FABP6: variants seen among roughly 807,000 people sequenced by gnomAD.
FABP6 encodes fatty acid binding protein 6, also known as gastrotropin.
FABP6 carries 13 observed loss-of-function variants against 14.9 expected under a neutral mutation model. The ratio of observed to expected loss-of-function variants is 0.87; its 90% confidence interval spans 0.57 to 1.39. The LOEUF (loss-of-function observed/expected upper bound fraction) is 1.39. FABP6 is among the 40% of genes most tolerant of loss of function. The pLI is 0.00. For missense variants in FABP6, 161 were observed against 167.2 expected, an observed-to-expected ratio of 0.96 and a Z score of 0.20; for synonymous variants, 75 against 63.6, an observed-to-expected ratio of 1.18 and a Z score of -0.85.
chr5:160,231,930 T>C, intron 1 of FABP6, 168 bp from the exon 2 acceptor site: 2 of 664,654 alleles, frequency 3.0e-6, no homozygotes, highest in Non-Finnish European at 5.0e-6. Flanking sequence ...CCCAGCCACA[T>C]GGCTCACAGC....
At chr5:160,221,993 T>C (rs1364312961) in intron 3 of FABP6, among the ~76,000 whole-genome samples, 1 of 152,134 alleles carries the variant, frequency 6.6e-6, no homozygotes, top group Non-Finnish European at 1.5e-5. Flanking sequence ...TTTTAAACAA[T>C]GAGTATGCAT....
At chr5:160,191,397 G>A (rs1371696867) in intron 1 of FABP6, among the ~76,000 whole-genome samples, 1 of 151,872 alleles carries the variant, frequency 6.6e-6, no homozygotes, top group Non-Finnish European at 1.5e-5. Flanking sequence ...AAACCGGGAG[G>A]CAGAGGCTGC....
intron 3 of FABP6, among the ~76,000 whole-genome samples, chr5:160,222,075 C>A (rs972800949): frequency 7.0e-6 from 1 of 143,190 alleles, no homozygotes; most frequent in South Asian, 2.2e-4. Context: ...GTGTTTTGTT[C>A]TTTCCAAATT....
chr5:160,234,858 T>C lies in FABP6; in HGVS notation c.282T>C (p.Asn94=). 1 of 1,610,990 alleles carries C rather than the reference T, an allele frequency of 6.2e-7. No individual in the cohort carries two copies. ...VQMEGGKLVV[N]FPNYHQTSEI... is the part of the protein sequence containing the mutation. ...TGGAGGGCGGGAAGCTGGTGGTGAATTTCCCCAACTATCACCAGACCTCAG... is the reference window on the plus strand; with the variant it reads ...TGGAGGGCGGGAAGCTGGTGGTGAACTTCCCCAACTATCACCAGACCTCAG... The change falls in exon 3 of 4, where the codon AAT becomes AAC. Residue 94 remains asparagine, a synonymous_variant. Coordinates refer to ENST00000402432, the MANE Select transcript of FABP6 (RefSeq NM_001445.3).
intron 2 of FABP6, among the ~76,000 whole-genome samples, chr5:160,232,988 GTTT>G (rs56809300): frequency 7.0e-6 from 1 of 143,766 alleles, no homozygotes. Context: ...GAGCATAAGT[GTTT>G]TTTTTTTTTT....
chr5:160,212,160 C>A (rs916686215), intron 2 of FABP6, among the ~76,000 whole-genome samples: 1 of 151,108 alleles, frequency 6.6e-6, no homozygotes, highest in African/African-American at 2.4e-5. Flanking sequence ...TGGCTAATTT[C>A]TTTTTCTTTT....
At chr5:160,204,471 T>C (rs1469500203) in intron 2 of FABP6, among the ~76,000 whole-genome samples, 1 of 152,134 alleles carries the variant, frequency 6.6e-6, no homozygotes, top group Non-Finnish European at 1.5e-5. Flanking sequence ...CCTCATCCCC[T>C]GCATCCTATT....
chr5:160,201,249 T>C (rs7447469), intron 2 of FABP6, among the ~76,000 whole-genome samples: 5,877 of 152,002 alleles, frequency 0.039, 199 homozygotes, highest in Admixed American at 0.11. Context: ...TCCCAGCTAC[T>C]TGGGAGGCTG....
At chr5:160,211,863 A>G (rs1759897872) in intron 2 of FABP6, among the ~76,000 whole-genome samples, 1 of 152,180 alleles carries the variant, frequency 6.6e-6, no homozygotes, top group Admixed American at 6.5e-5. Flanking sequence ...GCACAGTTAT[A>G]GGCCCTGCCC....
At position 160,238,672 on chromosome 5, in the gene FABP6, G is replaced by A. The variant is rs746035518; in HGVS notation, c.*13G>A. 1.9e-5 allele frequency: 31 copies of A among 1,613,180 alleles called. No homozygotes were observed. The highest frequency in any genetic ancestry group is 3.3e-5 in the Admixed American group (2 of 59,954). ...GAGACTGGCCTAAGCAGCCAGGCCC[G>A]GCCCAGGGAGCTACAAACCCACCAA... On this transcript the variant is annotated 3_prime_UTR_variant, in exon 4 of 4. Transcript: ENST00000402432.
chr5:160,219,124 G>A (rs1017885448), intron 3 of FABP6, among the ~76,000 whole-genome samples: 5 of 152,132 alleles, frequency 3.3e-5, no homozygotes, highest in African/African-American at 9.7e-5. Context: ...AAGAGGAAGG[G>A]GAGTTTAATC....
At chr5:160,213,654 C>A (rs1466909865) in intron 2 of FABP6, 1 of 1,168,408 alleles carries the variant, frequency 8.6e-7, no homozygotes, top group Non-Finnish European at 1.3e-6. Flanking sequence ...AGGAGCTCTG[C>A]CTCCCTGCAC....
intron 2 of FABP6, among the ~76,000 whole-genome samples, chr5:160,201,791 T>A (rs1326095293): frequency 6.6e-6 from 1 of 152,078 alleles, no homozygotes; most frequent in Non-Finnish European, 1.5e-5. Flanking sequence ...TGCGACAGGG[T>A]CTTACTCTAT....
intron 2 of FABP6, among the ~76,000 whole-genome samples, chr5:160,234,267 A>T (rs566112996): frequency 1.2e-3 from 177 of 152,222 alleles, no homozygotes; most frequent in African/African-American, 4.2e-3. Context: ...AGCATAAGCA[A>T]CAGTCTATAA....
At chr5:160,227,856 C>G (rs73817347), upstream of FABP6, among the ~76,000 whole-genome samples, 18,348 of 98,986 alleles carry the variant, frequency 0.19, 1,485 homozygotes, top group African/African-American at 0.31. Context: ...GTGTGTCTGT[C>G]TGTCTGTCTG....
At chr5:160,191,990 G>GA (rs775293331) in intron 1 of FABP6, among the ~76,000 whole-genome samples, 15 of 150,390 alleles carry the variant, frequency 1.0e-4, no homozygotes, top group Admixed American at 1.3e-4. Flanking sequence ...AGAAAAAAAA[G>GA]AAAAAAAAAG....
chr5:160,235,521 A>G (rs1760490017), intron 3 of FABP6, among the ~76,000 whole-genome samples: 1 of 152,140 alleles, frequency 6.6e-6, no homozygotes, highest in Non-Finnish European at 1.5e-5. Flanking sequence ...CCTTCCTCTC[A>G]CTTCTGTTGC....
chr5:160,206,835 G>C (rs189153227), intron 2 of FABP6, among the ~76,000 whole-genome samples: 17 of 152,252 alleles, frequency 1.1e-4, no homozygotes, highest in Admixed American at 1.1e-3. Context: ...GGGTGGCTTG[G>C]ACATGCACGG....
In FABP6 at chr5:160,229,569, C is replaced by T. The variant is rs753763188; in HGVS notation, c.12C>T (p.Thr4=). 1.9e-5 allele frequency: 31 copies of T among 1,613,832 alleles called. No individual in the cohort carries two copies. The highest frequency in any genetic ancestry group is 2.7e-5 in the African/African-American group (2 of 74,890). ...AGCCTCCCAGCAGCATGGCTTTCAC[C>T]GGCAAGTTCGAGATGGAGAGTGAGA... MAF[T]GKFEMESEKN... Residue 4 remains threonine, a synonymous_variant, in exon 1 of 4, where the codon ACC becomes ACT. Coordinates refer to ENST00000402432, the MANE Select transcript of FABP6 (RefSeq NM_001445.3).
Sources: gnomAD v4.1 joint callset for allele counts (sites outside exome capture counted in the v4.1 genomes callset) on GRCh38, gnomAD v4.1.1 for gene constraint, MANE v1.5 for transcripts, NCBI Gene and HGNC (gene_info 2026-07-23, HGNC 2026-07-21) for gene names.